Variants in THADA observed in about 807,000 individuals in gnomAD.
THADA encodes THADA armadillo repeat containing.
Under a neutral mutation model 219.8 loss-of-function variants are expected in THADA, and 213 were observed. The observed-to-expected ratio is 0.97, with a 90% CI of 0.87 to 1.09. THADA has a LOEUF of 1.09. THADA is among the 50% of genes least tolerant of loss of function. THADA has a pLI of 0.00. For synonymous variants in THADA, 1,018 were observed against 828.9 expected, an observed-to-expected ratio of 1.23 and a Z score of -3.92; for missense variants, 2,956 against 2,311.3, an observed-to-expected ratio of 1.28 and a Z score of -5.72.
chr2:43,469,513 TA>T lies in THADA; in HGVS notation c.3836+15720del, dbSNP rs562153833. Among the ~76,000 whole-genome samples the T allele has an allele frequency of 2.2e-4, 34 of 152,138 alleles. No homozygotes were observed. In the South Asian group the frequency reaches 4.6e-3, roughly 20 times the overall value. On this transcript the variant is annotated intron_variant, in intron 26 of 37. Transcript: ENST00000405975. Reference sequence around the variant, plus strand: ...CCCTCACATTCCCTTAAATGAACATTAAAAAAAATTATTATTCTCACTACTA... The same window carrying T: ...CCCTCACATTCCCTTAAATGAACATTAAAAAAATTATTATTCTCACTACTA...
intron 31 of THADA, among the ~76,000 whole-genome samples, chr2:43,307,720 C>CA (rs544022968): frequency 4.5e-4 from 69 of 151,828 alleles, no homozygotes; most frequent in African/African-American, 1.6e-3. Context: ...TGTGCTAAAA[C>CA]AAAGTCCAAC....
At chr2:43,515,701 A>G (rs1465601895) in intron 22 of THADA, among the ~76,000 whole-genome samples, 1 of 151,988 alleles carries the variant, frequency 6.6e-6, no homozygotes, top group East Asian at 1.9e-4. Flanking sequence ...AAAAGCAGTG[A>G]AGGAAAACAA....
intron 26 of THADA, among the ~76,000 whole-genome samples, chr2:43,473,164 T>C (rs973545715): frequency 1.2e-4 from 18 of 152,278 alleles, no homozygotes; most frequent in African/African-American, 4.3e-4. Context: ...TTAAAATTTT[T>C]AACTTTTTGA....
chr2:43,414,712 T>C (rs985477710), intron 28 of THADA, among the ~76,000 whole-genome samples: 2 of 152,090 alleles, frequency 1.3e-5, no homozygotes, highest in Middle Eastern at 3.2e-3. Flanking sequence ...AAACTGTAAC[T>C]AGGTAATTAA....
In THADA at chr2:43,581,810, T is replaced by C; in HGVS notation, c.652A>G (p.Thr218Ala). The change falls in exon 8 of 38, where the codon ACT (threonine) becomes GCT (alanine). Residue 218 changes from threonine (T) to alanine (A), a missense_variant. By Grantham distance (58) the Thr-to-Ala change is moderately conservative (BLOSUM62 0). Transcript: ENST00000405975. Reference sequence around the variant, plus strand: ...TTTTGCCATATGGGAGAATCGGAAGTCTTCCAAAGATTTCCCTGGAAATCT... The same window carrying C: ...TTTTGCCATATGGGAGAATCGGAAGCCTTCCAAAGATTTCCCTGGAAATCT... Reference protein sequence around the residue: ...VQDFQGNLWKTSDSPIWQNMC... With the variant: ...VQDFQGNLWKASDSPIWQNMC... The C allele has an allele frequency of 6.2e-7, 1 of 1,613,040 alleles. No homozygotes were observed. The highest frequency in any genetic ancestry group is 8.5e-7 in the Non-Finnish European group (1 of 1,179,722).
At chr2:43,583,310 T>C (rs1700659287) in intron 7 of THADA, among the ~76,000 whole-genome samples, 1 of 152,232 alleles carries the variant, frequency 6.6e-6, no homozygotes, top group Non-Finnish European at 1.5e-5. Flanking sequence ...AAAATCCTGT[T>C]GGTTCTACCT....
At chr2:43,260,445 T>C (rs1490555618) in intron 36 of THADA, among the ~76,000 whole-genome samples, 3 of 152,204 alleles carry the variant, frequency 2.0e-5, no homozygotes, top group Non-Finnish European at 2.9e-5. Context: ...CTTCCTCGTA[T>C]ATTATTCATA....
chr2:43,383,022 A>G (rs1027599821), intron 29 of THADA, among the ~76,000 whole-genome samples: 5 of 152,214 alleles, frequency 3.3e-5, no homozygotes, highest in Admixed American at 3.3e-4. Flanking sequence ...AAAATAATCA[A>G]TGGGTTAAAG....
intron 10 of THADA, 142 bp downstream of exon 10, chr2:43,576,880 C>A (rs1392339459): frequency 1.4e-6 from 1 of 721,192 alleles, no homozygotes; most frequent in East Asian, 2.7e-5. Flanking sequence ...GTTTTGAACT[C>A]CTGGCCTCAA....
At chr2:43,496,988 T>A (rs1688349735) in intron 25 of THADA, among the ~76,000 whole-genome samples, 1 of 152,156 alleles carries the variant, frequency 6.6e-6, no homozygotes, top group South Asian at 2.1e-4. Flanking sequence ...CACAATGAGA[T>A]ACCATCTCAC....
At chr2:43,311,865 T>C (rs1356693282) in intron 31 of THADA, among the ~76,000 whole-genome samples, 1 of 152,154 alleles carries the variant, frequency 6.6e-6, no homozygotes, top group Non-Finnish European at 1.5e-5. Context: ...ATCTGTGATG[T>C]GCAGCTGGAG....
chr2:43,330,718 G>T (rs1304156806), intron 30 of THADA, among the ~76,000 whole-genome samples: 1 of 152,190 alleles, frequency 6.6e-6, no homozygotes, highest in African/African-American at 2.4e-5. Flanking sequence ...GTTAAGTTTT[G>T]ATGGCAAGAA....
At chr2:43,253,491 G>A (rs527561928) in intron 36 of THADA, among the ~76,000 whole-genome samples, 16 of 152,038 alleles carry the variant, frequency 1.1e-4, no homozygotes, top group Admixed American at 5.9e-4. Context: ...AATCCTCATC[G>A]TCCTTAACCT....
At chr2:43,569,575 A>G (rs901036571) in intron 14 of THADA, among the ~76,000 whole-genome samples, 1 of 152,198 alleles carries the variant, frequency 6.6e-6, no homozygotes, top group Non-Finnish European at 1.5e-5. Flanking sequence ...TTGTATATAA[A>G]TACTCTTTGT....
At chr2:43,360,961 C>T (rs1446889537) in intron 29 of THADA, among the ~76,000 whole-genome samples, 1 of 152,112 alleles carries the variant, frequency 6.6e-6, no homozygotes, top group Non-Finnish European at 1.5e-5. Flanking sequence ...CAGGAGACAT[C>T]TGACAATATC....
intron 29 of THADA, among the ~76,000 whole-genome samples, chr2:43,366,627 G>C (rs754313652): frequency 6.6e-6 from 1 of 152,146 alleles, no homozygotes; most frequent in Non-Finnish European, 1.5e-5. Flanking sequence ...AGGAAACCTA[G>C]GCCAACAAGC....
At chr2:43,240,391 C>G (rs150543472) in intron 36 of THADA, among the ~76,000 whole-genome samples, 2 of 152,192 alleles carry the variant, frequency 1.3e-5, no homozygotes, top group African/African-American at 4.8e-5. Context: ...TCTCCATGGT[C>G]GTCTTCACTT....
Position 43,365,171 on chromosome 2 carries a change from C to T in THADA, c.4228-20934G>A, listed in dbSNP as rs558218177. ...AACTCCTGACCTCAGGTGATCCACCCGCCTTGGCCTCCCAATGTGTTGGGA... is the reference window on the plus strand; with the variant it reads ...AACTCCTGACCTCAGGTGATCCACCTGCCTTGGCCTCCCAATGTGTTGGGA... On this transcript the variant is annotated intron_variant, in intron 29 of 37. Transcript: ENST00000405975. Among the ~76,000 whole-genome samples, 153 of 152,036 alleles carry T rather than the reference C, an allele frequency of 1.0e-3. 1 individual carries two copies. Among genetic ancestry groups the T allele is most frequent in the African/African-American group, 3.3e-3 (136 of 41,492 alleles).
In THADA at chr2:43,297,729, G is replaced by A. The variant is rs1476754628; in HGVS notation, c.4439-4516C>T. 5.3e-3 allele frequency among the ~76,000 whole-genome samples: 603 copies of A among 114,236 alleles called. 27 individuals carry two copies. Among genetic ancestry groups the A allele is most frequent in the African/African-American group, 0.026 (553 of 21,018 alleles). 74.9% of individuals were successfully genotyped at this position (114,236 alleles called of 152,430 possible). A position where few individuals can be genotyped will look rare whatever the true frequency, so the allele number is the denominator to read the frequency against. On this transcript the variant is annotated intron_variant, in intron 31 of 37. Transcript: ENST00000405975. ...ACCCCGTCCGGGAGGGAGGTGGGGG[G>A]GTCGGCCCCCCGCCCGGCCAGCCGC...
Sources: gnomAD v4.1 joint callset for allele counts (sites outside exome capture counted in the v4.1 genomes callset) on GRCh38, gnomAD v4.1.1 for gene constraint, MANE v1.5 for transcripts, NCBI Gene and HGNC (gene_info 2026-07-23, HGNC 2026-07-21) for gene names.